The following USP32 variants were observed in gnomAD, a reference collection of about 807,000 sequenced individuals.
USP32 encodes ubiquitin carboxyl-terminal hydrolase 32.
In USP32, 59 loss-of-function variants were observed where a neutral mutation model predicts 204.8. That is an observed-to-expected ratio of 0.29 (90% CI 0.23 to 0.36). The LOEUF is 0.36. Ranked by LOEUF, USP32 falls within the 10% of genes least tolerant of loss-of-function variation. The probability of loss-of-function intolerance (pLI) is 1.00; values close to 1 mark genes in which losing one functional copy is unlikely to be tolerated. For synonymous variants in USP32, 517 were observed against 678.4 expected (o/e 0.76, Z 3.70); for missense variants, 1,160 against 1,946.4 (o/e 0.60, Z 7.60).
intron 1 of USP32, among the ~76,000 whole-genome samples, chr17:60,398,315 G>A (rs1173573287): frequency 2.6e-5 from 4 of 152,110 alleles, no homozygotes; most frequent in African/African-American, 9.7e-5. Context: ...AGGATCACTT[G>A]GGCCTGAAAA....
rs916705480 is a variant in USP32, at chr17:60,391,877, C to T, written c.58+5G>A. 1 of 1,610,366 alleles carries T rather than the reference C, an allele frequency of 6.2e-7. No homozygotes were observed. Among genetic ancestry groups the T allele is most frequent in the Non-Finnish European group, 8.5e-7 (1 of 1,178,548 alleles). ...GGCAGCTCGCCCAGACCCCTCCCCC[C>T]TCACCTCTCCTCAGCGCCTCCTCGT... is the stretch of plus-strand genomic sequence containing the variant. On this transcript the variant is annotated splice_donor_5th_base_variant and intron_variant, in intron 1 of 33. Coordinates refer to ENST00000300896, the MANE Select transcript of USP32 (RefSeq NM_032582.4).
chr17:60,345,262 A>G (rs2088758468), intron 2 of USP32, among the ~76,000 whole-genome samples: 2 of 152,238 alleles, frequency 1.3e-5, no homozygotes, highest in African/African-American at 4.8e-5. Context: ...TTAAAGCTCT[A>G]AAGTACAAAA....
At chr17:60,234,693 G>A (rs2145630415) in intron 12 of USP32, among the ~76,000 whole-genome samples, 1 of 151,742 alleles carries the variant, frequency 6.6e-6, no homozygotes, top group East Asian at 2.0e-4. Flanking sequence ...TCGCGCCACT[G>A]CACTCCAGCC....
intron 1 of USP32, among the ~76,000 whole-genome samples, chr17:60,365,239 G>A (rs967406096): frequency 3.9e-5 from 6 of 152,108 alleles, no homozygotes; most frequent in Non-Finnish European, 7.4e-5. Flanking sequence ...CCAGTACTTT[G>A]GGAGGCCGAG....
At chr17:60,240,952 T>G (rs897863275) in intron 11 of USP32, among the ~76,000 whole-genome samples, 1 of 152,194 alleles carries the variant, frequency 6.6e-6, no homozygotes, top group Non-Finnish European at 1.5e-5. Context: ...CTGAGCATCT[T>G]GCAGTAGCTT....
At chr17:60,218,636 C>A (rs1453443554) in intron 16 of USP32, among the ~76,000 whole-genome samples, 2 of 151,962 alleles carry the variant, frequency 1.3e-5, no homozygotes, top group Non-Finnish European at 2.9e-5. Flanking sequence ...CAGAGTCTCA[C>A]TCCGTCACCC....
rs35830572 is a variant in USP32, at chr17:60,314,128, C to CTTTT, written c.187-12428_187-12425dup. On this transcript the variant is annotated intron_variant, in intron 2 of 33. Transcript: ENST00000300896. ...TCTGAACTAAAAAGTTATTGTGTGG[C>CTTTT]TTTTTTTTTTTTTTTTTTTTTTTTT... Among the ~76,000 whole-genome samples, 96 of 52,820 alleles carry CTTTT rather than the reference C, an allele frequency of 1.8e-3. 1 individual carries two copies. The highest frequency in any genetic ancestry group is 6.3e-3 in the African/African-American group (80 of 12,688). 34.7% of individuals were successfully genotyped at this position (52,820 alleles called of 152,430 possible). A position where few individuals can be genotyped will look rare whatever the true frequency, so the allele number is the denominator to read the frequency against.
At chr17:60,315,386 G>A (rs562257078) in intron 2 of USP32, among the ~76,000 whole-genome samples, 2 of 152,188 alleles carry the variant, frequency 1.3e-5, no homozygotes, top group South Asian at 2.1e-4. Context: ...CAGCCTGGGC[G>A]ACAGAGTGAG....
In USP32 at chr17:60,223,418, G is replaced by T. The variant is rs761150923; in HGVS notation, c.1601C>A (p.Pro534Gln). 5 of 1,607,060 alleles carry T rather than the reference G, an allele frequency of 3.1e-6. No individual in the cohort carries two copies. The South Asian group carries it at 5.6e-5, about 18-fold the overall frequency. The change falls in exon 14 of 34, where the codon CCA becomes CAA. Residue 534 changes from proline to glutamine, a missense_variant. By Grantham distance (76) the Pro-to-Gln change is moderately conservative (BLOSUM62 -1). Around this residue, in one of 8 missense-constraint regions of USP32, gnomAD observed 536 missense variants for 680.9 expected, o/e 0.79. Coordinates refer to ENST00000300896, the MANE Select transcript of USP32 (RefSeq NM_032582.4). ...AGATGTAAAATTACTTACCTTTACT[G>T]GTTCTTGAGTTACTAATGGCTGATT... The part of the protein sequence containing the change: ...IDNQPLVTQE[P>Q]VKATSLTLEG...
At chr17:60,288,943 T>A (rs1178774759) in intron 4 of USP32, among the ~76,000 whole-genome samples, 1 of 152,232 alleles carries the variant, frequency 6.6e-6, no homozygotes, top group Non-Finnish European at 1.5e-5. Context: ...AGCAGTACAC[T>A]GCCAATAAGC....
intron 11 of USP32, among the ~76,000 whole-genome samples, chr17:60,243,214 C>G (rs2085924922): frequency 6.6e-6 from 1 of 152,006 alleles, no homozygotes; most frequent in Admixed American, 6.6e-5. Context: ...GATCTTGTAT[C>G]CTGTCATGTT....
At chr17:60,380,582 A>T (rs1189812475) in intron 1 of USP32, among the ~76,000 whole-genome samples, 1 of 152,228 alleles carries the variant, frequency 6.6e-6, no homozygotes, top group East Asian at 1.9e-4. Context: ...GAGAAATCAC[A>T]GAAATATGAA....
rs570201830 is a variant in USP32 at position 60,358,377 on chromosome 17, C to T, written c.59-12769G>A. Among the ~76,000 whole-genome samples, 4 of 152,112 alleles carry T rather than the reference C, an allele frequency of 2.6e-5. No individual in the cohort carries two copies. In the East Asian group the frequency reaches 7.8e-4, roughly 30 times the overall value. On this transcript the variant is annotated intron_variant, in intron 1 of 33. Transcript: ENST00000300896. The stretch of plus-strand genomic sequence containing the variant: ...ATCACTTGAGGTCAGGAGTTCGAGG[C>T]CAGCCTGGCCAACATGGTAAAACCC...
At position 60,298,054 on chromosome 17, in the gene USP32, T is replaced by C. The variant is rs575169281; in HGVS notation, c.293-3253A>G. ...TGTCCTTGTTTCACCTTTTGACTTA[T>C]AGGGCCTAACTGTAATGCATTTAAA... On this transcript the variant is annotated intron_variant, in intron 3 of 33. Transcript: ENST00000300896. Among the ~76,000 whole-genome samples the C allele has an allele frequency of 3.1e-4, 47 of 152,314 alleles. No individual in the cohort carries two copies. The East Asian group carries it at 6.0e-3, about 19-fold the overall frequency.
chr17:60,353,314 C>T (rs561392946), intron 1 of USP32, among the ~76,000 whole-genome samples: 1 of 152,250 alleles, frequency 6.6e-6, no homozygotes, highest in East Asian at 1.9e-4. Flanking sequence ...TTGCTGGAAC[C>T]CAACGTTATT....
intron 14 of USP32, among the ~76,000 whole-genome samples, chr17:60,223,164 AAAC>A (rs1269220005): frequency 1.3e-5 from 2 of 152,222 alleles, no homozygotes; most frequent in Non-Finnish European, 2.9e-5. Flanking sequence ...AGCGTATGTG[AAAC>A]AACATTTTCA....
At chr17:60,357,589 G>A (rs1293424715) in intron 1 of USP32, among the ~76,000 whole-genome samples, 5 of 152,092 alleles carry the variant, frequency 3.3e-5, no homozygotes, top group Admixed American at 6.5e-5. Flanking sequence ...ATCTCTTGCT[G>A]ACAACTCCCA....
chr17:60,364,443 G>A (rs1033485802), intron 1 of USP32, among the ~76,000 whole-genome samples: 2 of 152,134 alleles, frequency 1.3e-5, no homozygotes, highest in Non-Finnish European at 2.9e-5. Flanking sequence ...GCGGTGGCGC[G>A]ATGTCCACTC....
At chr17:60,276,966 T>TATATATATATATATATATATATATATAA (rs60544670) in intron 5 of USP32, among the ~76,000 whole-genome samples, 9 of 149,886 alleles carry the variant, frequency 6.0e-5, no homozygotes, top group African/African-American at 2.2e-4. Flanking sequence ...TATATATATA[T>TATATATATATATATATATATATATATAA]AAAATTACCA....
Sources: gnomAD v4.1 joint callset for allele counts (sites outside exome capture counted in the v4.1 genomes callset) on GRCh38, gnomAD v4.1.1 for gene constraint, gnomAD v4.1.1 regional missense constraint, MANE v1.5 for transcripts, NCBI Gene and HGNC (gene_info 2026-07-23, HGNC 2026-07-21) for gene names.